The following CCBE1 variants were observed in gnomAD, a reference collection of about 807,000 sequenced individuals.
CCBE1 encodes collagen and calcium binding EGF domains 1.
In CCBE1, 37 loss-of-function variants were observed where a neutral mutation model predicts 50.0. That is an observed-to-expected ratio of 0.74 (90% confidence interval 0.57 to 0.97). The LOEUF (loss-of-function observed/expected upper bound fraction) is 0.97. CCBE1 is among the 50% of genes least tolerant of loss of function. The probability of loss-of-function intolerance (pLI) is 0.00; values close to 1 mark genes in which losing one functional copy is unlikely to be tolerated. For missense variants in CCBE1, 538 were observed against 523.8 expected (o/e 1.03, Z -0.26); for synonymous variants, 234 against 203.7 (o/e 1.15, Z -1.27).
intron 2 of CCBE1, among the ~76,000 whole-genome samples, chr18:59,655,117 A>G (rs1263690355): frequency 6.7e-6 from 1 of 148,650 alleles, no homozygotes; most frequent in Non-Finnish European, 1.5e-5. Flanking sequence ...AGAAAACCTC[A>G]ACAGCCATGA....
chr18:59,573,805 T>C (rs1391609691), intron 2 of CCBE1, among the ~76,000 whole-genome samples: 1 of 152,230 alleles, frequency 6.6e-6, no homozygotes, highest in African/African-American at 2.4e-5. Context: ...ACTTAACCTA[T>C]GCTTCCATGA....
chr18:59,548,226 C>T (rs1915782546), intron 2 of CCBE1, among the ~76,000 whole-genome samples: 1 of 152,292 alleles, frequency 6.6e-6, no homozygotes, highest in African/African-American at 2.4e-5. Context: ...CACTCTCACT[C>T]AGTGGTCTTT....
chr18:59,639,628 T>C (rs2053958563), intron 2 of CCBE1, among the ~76,000 whole-genome samples: 1 of 152,136 alleles, frequency 6.6e-6, no homozygotes, highest in South Asian at 2.1e-4. Context: ...AACTTAGTAC[T>C]GGAAGTTCTG....
At chr18:59,502,546 C>T (rs1913673060) in intron 2 of CCBE1, among the ~76,000 whole-genome samples, 1 of 152,134 alleles carries the variant, frequency 6.6e-6, no homozygotes, top group Non-Finnish European at 1.5e-5. Flanking sequence ...TTGTACATGG[C>T]ACACTTTCAA....
chr18:59,489,152 C>T (rs1188536155), intron 2 of CCBE1, among the ~76,000 whole-genome samples: 1 of 152,244 alleles, frequency 6.6e-6, no homozygotes, highest in Admixed American at 6.5e-5. Flanking sequence ...ATATCCATCT[C>T]AATGATTAAA....
chr18:59,458,871 G>T (rs1264782060), intron 5 of CCBE1, among the ~76,000 whole-genome samples: 1 of 152,228 alleles, frequency 6.6e-6, no homozygotes, highest in Non-Finnish European at 1.5e-5. Flanking sequence ...ACATTATCCA[G>T]AAGACTTGAA....
chr18:59,613,041 A>G (rs2053593889), intron 2 of CCBE1, among the ~76,000 whole-genome samples: 1 of 152,094 alleles, frequency 6.6e-6, no homozygotes, highest in South Asian at 2.1e-4. Flanking sequence ...CGGAGAAGAC[A>G]GACCTAAAGG....
chr18:59,575,256 T>C (rs923262414), intron 2 of CCBE1, among the ~76,000 whole-genome samples: 56 of 152,220 alleles, frequency 3.7e-4, no homozygotes, highest in African/African-American at 1.3e-3. Context: ...CACTTTTTAA[T>C]GGCAGCCCTA....
chr18:59,521,648 T>C (rs1419287695), intron 2 of CCBE1, among the ~76,000 whole-genome samples: 2 of 152,200 alleles, frequency 1.3e-5, no homozygotes, highest in Admixed American at 6.5e-5. Context: ...AAAAACCAGA[T>C]GACTTACAAA....
At chr18:59,554,719 T>C (rs1457924404) in intron 2 of CCBE1, among the ~76,000 whole-genome samples, 2 of 152,184 alleles carry the variant, frequency 1.3e-5, no homozygotes, top group Non-Finnish European at 2.9e-5. Context: ...TCTCTCCCTA[T>C]TACATGAGAG....
At chr18:59,593,774 C>T (rs1280359570) in intron 2 of CCBE1, among the ~76,000 whole-genome samples, 1 of 152,204 alleles carries the variant, frequency 6.6e-6, no homozygotes, top group East Asian at 1.9e-4. Flanking sequence ...CAACTTCTTT[C>T]AGTTAGCTGT....
chr18:59,596,966 AC>A (rs1335503375), intron 2 of CCBE1, among the ~76,000 whole-genome samples: 4 of 152,288 alleles, frequency 2.6e-5, no homozygotes, highest in Non-Finnish European at 5.9e-5. Flanking sequence ...GAAGAAAGAA[AC>A]AGAAGTTCTG....
At chr18:59,574,979 A>G (rs749677760) in intron 2 of CCBE1, among the ~76,000 whole-genome samples, 1 of 152,178 alleles carries the variant, frequency 6.6e-6, no homozygotes, top group Non-Finnish European at 1.5e-5. Flanking sequence ...TCCAATCCAT[A>G]TAAAAAGGGG....
intron 3 of CCBE1, among the ~76,000 whole-genome samples, chr18:59,471,688 A>G (rs1360377759): frequency 6.6e-6 from 1 of 152,190 alleles, no homozygotes; most frequent in East Asian, 1.9e-4. Flanking sequence ...TCTGGAGACC[A>G]CATTATTCCT....
chr18:59,694,595 CAGGATT>C (rs147427465), intron 2 of CCBE1, among the ~76,000 whole-genome samples: 11,930 of 152,228 alleles, frequency 0.078, 681 homozygotes, highest in South Asian at 0.21. Context: ...GGCAGAGGCC[CAGGATT>C]CCAACAAGCT....
intron 2 of CCBE1, among the ~76,000 whole-genome samples, chr18:59,583,682 CGCGCGCGCGCGCGCGCGCGTGTGTGT>C (rs1329472389): frequency 8.3e-5 from 3 of 35,948 alleles, no homozygotes; most frequent in Non-Finnish European, 2.3e-4. Flanking sequence ...TGTGTGTGTG[CGCGCGCGCGCGCGCGCGCGTGTGTGT>C]GTATGTCTGC....
intron 2 of CCBE1, among the ~76,000 whole-genome samples, chr18:59,528,920 G>A (rs779044229): frequency 2.0e-5 from 3 of 152,166 alleles, no homozygotes; most frequent in Non-Finnish European, 4.4e-5. Flanking sequence ...CTCTGTTGGG[G>A]GAGGGGTTCT....
chr18:59,608,023 C>T (rs777184563), intron 2 of CCBE1, among the ~76,000 whole-genome samples: 8 of 152,086 alleles, frequency 5.3e-5, no homozygotes, highest in Non-Finnish European at 7.4e-5. Flanking sequence ...TGTAGTGAGC[C>T]GATATTGCGC....
intron 2 of CCBE1, among the ~76,000 whole-genome samples, chr18:59,564,765 G>A (rs1445728676): frequency 6.6e-6 from 1 of 152,232 alleles, no homozygotes; most frequent in Non-Finnish European, 1.5e-5. Flanking sequence ...CTGGGGAAAG[G>A]AGAAACTGAA....
Sources: gnomAD v4.1 joint callset for allele counts (sites outside exome capture counted in the v4.1 genomes callset) on GRCh38, gnomAD v4.1.1 for gene constraint, MANE v1.5 for transcripts, NCBI Gene and HGNC (gene_info 2026-07-23, HGNC 2026-07-21) for gene names.